JAK2: variants seen among roughly 807,000 people sequenced by gnomAD.
The protein encoded by JAK2 is Janus kinase 2, also known as tyrosine-protein kinase JAK2.
JAK2 carries 86 observed loss-of-function variants against 139.3 expected under a neutral mutation model. The ratio of observed to expected loss-of-function variants is 0.62; its 90% CI spans 0.52 to 0.74. The LOEUF (loss-of-function observed/expected upper bound fraction) is 0.74. Ranked by LOEUF, JAK2 falls within the 30% of genes least tolerant of loss-of-function variation. The pLI is 0.00. For missense variants in JAK2, 1,421 were observed against 1,360.3 expected (o/e 1.04, Z -0.70); for synonymous variants, 490 against 437.7 (o/e 1.12, Z -1.49).
intron 12 of JAK2, among the ~76,000 whole-genome samples, chr9:5,071,893 C>T (rs188927217): frequency 6.6e-6 from 1 of 152,236 alleles, no homozygotes; most frequent in East Asian, 1.9e-4. Flanking sequence ...TAAAGATATG[C>T]AAGAAATACT....
chr9:5,072,973 A>G (rs969484971), intron 13 of JAK2, among the ~76,000 whole-genome samples: 38 of 152,100 alleles, frequency 2.5e-4, no homozygotes, highest in Admixed American at 2.4e-3. Context: ...ACAAAAAACC[A>G]AGTTTCAAAG....
chr9:5,116,558 TAAATA>T (rs1317742435), intron 22 of JAK2, among the ~76,000 whole-genome samples: 1 of 152,208 alleles, frequency 6.6e-6, no homozygotes, highest in Non-Finnish European at 1.5e-5. Context: ...TTAAAGAGGT[TAAATA>T]AAATTAGCTG....
At chr9:5,022,256 G>A (rs1278985978) in intron 3 of JAK2, 43 bp downstream of exon 3, 2 of 1,354,854 alleles carry the variant, frequency 1.5e-6, no homozygotes, top group African/African-American at 2.9e-5. Context: ...TGCATGGATT[G>A]TTTTAATTAT....
intron 19 of JAK2, among the ~76,000 whole-genome samples, chr9:5,087,059 ATTGT>A (rs1820176812): frequency 6.6e-6 from 1 of 152,156 alleles, no homozygotes; most frequent in African/African-American, 2.4e-5. Flanking sequence ...ATAAATCTTT[ATTGT>A]TTTCATTGAA....
At chr9:4,984,416 C>G (rs1819826567), upstream of JAK2, 1 of 152,256 alleles carries the variant, frequency 6.6e-6, no homozygotes, top group South Asian at 2.1e-4. Flanking sequence ...CACCAGGCCA[C>G]GCCGGTAAAG....
At chr9:5,091,049 T>G (rs1205095724) in intron 22 of JAK2, 138 bp downstream of exon 22, 3 of 638,282 alleles carry the variant, frequency 4.7e-6, no homozygotes, top group Non-Finnish European at 7.8e-6. Flanking sequence ...ATTTAACTTT[T>G]TTTTTTTAGG....
chr9:5,120,492 G>A (rs778075085), intron 22 of JAK2, among the ~76,000 whole-genome samples: 40 of 152,122 alleles, frequency 2.6e-4, no homozygotes, highest in Non-Finnish European at 2.8e-4. Context: ...GTTCGAAAAG[G>A]CTCTTTTGTT....
intron 3 of JAK2, among the ~76,000 whole-genome samples, 175 bp from the exon 4 acceptor site, chr9:5,029,608 A>C (rs1298853820): frequency 6.6e-6 from 1 of 152,246 alleles, no homozygotes; most frequent in Admixed American, 6.5e-5. Context: ...GTATAAAAAA[A>C]GATTGTGATT....
chr9:5,128,632 G>GTTTTATATAA lies in JAK2; in HGVS notation c.*1842_*1851dup, dbSNP rs1361301180. On this transcript the variant is annotated 3_prime_UTR_variant, in exon 25 of 25. Coordinates refer to ENST00000381652, the MANE Select transcript of JAK2 (RefSeq NM_004972.4). ...ATTTTTTTAAATGCTTCATCTTTTA[G>GTTTTATATAA]TTTTATATAAAGAATCCCACATGTA... Among the ~76,000 whole-genome samples the GTTTTATATAA allele has an allele frequency of 3.3e-5, 5 of 151,892 alleles. No homozygotes were observed. The East Asian group carries it at 5.8e-4, about 18-fold the overall frequency.
chr9:5,099,018 C>G, intron 22 of JAK2: 1 of 152,020 alleles, frequency 6.6e-6, no homozygotes, highest in Non-Finnish European at 1.5e-5. Context: ...CTTATATAAC[C>G]CCAACACCAG....
chr9:5,106,340 C>A (rs1821950472), intron 22 of JAK2, among the ~76,000 whole-genome samples: 1 of 152,218 alleles, frequency 6.6e-6, no homozygotes, highest in South Asian at 2.1e-4. Context: ...ATCAAAACCA[C>A]AATGAGATAC....
chr9:5,031,981 G>A (rs757487150), intron 4 of JAK2, among the ~76,000 whole-genome samples: 15 of 152,378 alleles, frequency 9.8e-5, no homozygotes, highest in African/African-American at 2.2e-4. Context: ...CCCGGGAAGC[G>A]CAAAGGGTCA....
chr9:5,098,863 T>C (rs1296275309), intron 22 of JAK2: 1 of 152,114 alleles, frequency 6.6e-6, no homozygotes, highest in Non-Finnish European at 1.5e-5. Flanking sequence ...CTGGGTAATT[T>C]TTTTGTATTT....
At chr9:5,081,596 T>C (rs1819704167) in intron 18 of JAK2, 129 bp from the exon 19 acceptor site, 7 of 629,652 alleles carry the variant, frequency 1.1e-5, no homozygotes, top group Middle Eastern at 3.8e-4. Flanking sequence ...TAATTGAAAC[T>C]ATTTGAGTTT....
intron 2 of JAK2, among the ~76,000 whole-genome samples, chr9:5,021,358 C>T (rs1822417594): frequency 6.6e-6 from 1 of 152,158 alleles, no homozygotes; most frequent in African/African-American, 2.4e-5. Context: ...TTTGAGATCT[C>T]TTCTTCTGTT....
chr9:4,995,125 G>A (rs7026646), intron 2 of JAK2, among the ~76,000 whole-genome samples: 146,122 of 152,316 alleles, frequency 0.96, 70,150 homozygotes, highest in East Asian at 1. Context: ...AACTTGAGAC[G>A]TGAAAAATAG....
At chr9:4,994,117 C>T (rs1439677612) in intron 2 of JAK2, among the ~76,000 whole-genome samples, 1 of 152,140 alleles carries the variant, frequency 6.6e-6, no homozygotes, top group Non-Finnish European at 1.5e-5. Context: ...GTGTGTATAG[C>T]TCACATTTAT....
chr9:5,098,294 C>G (rs909011346), intron 22 of JAK2: 3 of 152,170 alleles, frequency 2.0e-5, no homozygotes, highest in Non-Finnish European at 4.4e-5. Flanking sequence ...AAATTCATTA[C>G]GTAACTTTGT....
intron 19 of JAK2, among the ~76,000 whole-genome samples, chr9:5,086,546 C>G (rs1428179317): frequency 6.6e-6 from 1 of 152,056 alleles, no homozygotes; most frequent in African/African-American, 2.4e-5. Context: ...TCATTGTTTT[C>G]TCATCACCTT....
Sources: allele counts gnomAD v4.1 joint callset (sites outside exome capture counted in the v4.1 genomes callset), GRCh38; gene constraint gnomAD v4.1.1; transcripts MANE v1.5; gene names NCBI Gene and HGNC (gene_info 2026-07-23, HGNC 2026-07-21).